MCTP1: variants seen among roughly 807,000 people sequenced by gnomAD.
MCTP1 encodes multiple C2 and transmembrane domain-containing protein 1.
Under a neutral mutation model 120.6 loss-of-function variants are expected in MCTP1, and 69 were observed. The observed-to-expected ratio is 0.57, with a 90% CI of 0.47 to 0.70. MCTP1 has a LOEUF of 0.70. Ranked by LOEUF, MCTP1 falls within the 30% of genes least tolerant of loss-of-function variation. The pLI is 0.00. For missense variants in MCTP1, 1,203 were observed against 1,248.8 expected (o/e 0.96, Z 0.55); for synonymous variants, 529 against 493.1 (o/e 1.07, Z -0.96).
At chr5:95,117,718 G>A (rs947622270) in intron 1 of MCTP1, among the ~76,000 whole-genome samples, 7 of 152,138 alleles carry the variant, frequency 4.6e-5, no homozygotes, top group Non-Finnish European at 1.0e-4. Flanking sequence ...GTACACATAT[G>A]TTTACTGCAG....
At chr5:95,067,039 C>T (rs2152171551) in intron 1 of MCTP1, among the ~76,000 whole-genome samples, 1 of 150,774 alleles carries the variant, frequency 6.6e-6, no homozygotes, top group East Asian at 2.0e-4. Context: ...TGTGCTGCCC[C>T]GTTCCTGAGA....
intron 1 of MCTP1, among the ~76,000 whole-genome samples, chr5:95,036,310 A>G (rs1297954971): frequency 1.3e-5 from 2 of 152,196 alleles, no homozygotes; most frequent in African/African-American, 4.8e-5. Flanking sequence ...TTTTGAGATT[A>G]TAACAATTTC....
chr5:95,212,494 T>A (rs546541186), intron 1 of MCTP1, among the ~76,000 whole-genome samples: 21 of 151,906 alleles, frequency 1.4e-4, no homozygotes, highest in African/African-American at 3.9e-4. Context: ...AAAGAGGGAA[T>A]CCTCCCTAAC....
At chr5:94,995,273 C>G (rs1832401677) in intron 2 of MCTP1, among the ~76,000 whole-genome samples, 1 of 152,156 alleles carries the variant, frequency 6.6e-6, no homozygotes, top group South Asian at 2.1e-4. Context: ...ATTCGTGGGT[C>G]TCATTTCCAG....
intron 19 of MCTP1, among the ~76,000 whole-genome samples, chr5:94,724,052 A>G (rs1761555145): frequency 6.6e-6 from 1 of 152,210 alleles, no homozygotes. Context: ...GGTCAGAAAC[A>G]CAAATGACAT....
chr5:95,023,417 A>G (rs1048183514), intron 1 of MCTP1, among the ~76,000 whole-genome samples: 1 of 152,228 alleles, frequency 6.6e-6, no homozygotes, highest in African/African-American at 2.4e-5. Flanking sequence ...GAGTTTGAAG[A>G]GATTCTATCA....
At chr5:95,103,834 A>C (rs1056214519) in intron 1 of MCTP1, among the ~76,000 whole-genome samples, 2 of 152,198 alleles carry the variant, frequency 1.3e-5, no homozygotes, top group African/African-American at 4.8e-5. Flanking sequence ...AGGGAAAAGA[A>C]AGAAGTTCTA....
At chr5:95,283,174 G>A (rs1298395881) in intron 1 of MCTP1, among the ~76,000 whole-genome samples, 1 of 152,182 alleles carries the variant, frequency 6.6e-6, no homozygotes, top group Non-Finnish European at 1.5e-5. Context: ...CTTGACTCTT[G>A]TCTGAGCAAT....
intron 1 of MCTP1, among the ~76,000 whole-genome samples, chr5:95,281,816 T>G (rs1760345811): frequency 1.3e-5 from 2 of 152,180 alleles, no homozygotes; most frequent in Admixed American, 1.3e-4. Flanking sequence ...GAATTGATTG[T>G]ATATAGGGAT....
chr5:95,213,766 G>C (rs1392075596), intron 1 of MCTP1, among the ~76,000 whole-genome samples: 1 of 152,358 alleles, frequency 6.6e-6, no homozygotes, highest in Admixed American at 6.5e-5. Context: ...AATGGGGAAA[G>C]GATTCCCTAT....
chr5:94,873,427 A>G (rs1798197062), intron 12 of MCTP1, among the ~76,000 whole-genome samples, 186 bp from the exon 13 acceptor site: 1 of 152,040 alleles, frequency 6.6e-6, no homozygotes, highest in Non-Finnish European at 1.5e-5. Context: ...GATGTTAGCA[A>G]TTGTTATGAT....
rs885321 is a variant in MCTP1 at position 94,831,357 on chromosome 5, C to G, written c.2437-32225G>C. The stretch of plus-strand genomic sequence containing the variant: ...TATCCAATCGTCCATCACTAGGTCT[C>G]CAACAGGAACCTTCAAACCACTGCT... On this transcript the variant is annotated intron_variant, in intron 17 of 22. Transcript: ENST00000515393. 6.1e-3 allele frequency among the ~76,000 whole-genome samples: 925 copies of G among 152,344 alleles called. 60 individuals are homozygous for G. The East Asian group carries it at 0.15, about 24-fold the overall frequency.
intron 1 of MCTP1, among the ~76,000 whole-genome samples, chr5:95,205,829 A>G (rs1414921189): frequency 6.6e-6 from 1 of 152,204 alleles, no homozygotes; most frequent in Non-Finnish European, 1.5e-5. Flanking sequence ...CAAGACCACA[A>G]TGAAATAATA....
At chr5:95,222,108 G>A (rs954191910) in intron 1 of MCTP1, among the ~76,000 whole-genome samples, 10 of 152,148 alleles carry the variant, frequency 6.6e-5, no homozygotes, top group African/African-American at 2.2e-4. Flanking sequence ...AATCAGCCCA[G>A]GTCTGGGATG....
At position 94,894,714 on chromosome 5, in the gene MCTP1, T is replaced by C. The variant is rs1056575529; in HGVS notation, c.1774A>G (p.Ile592Val). 3.1e-6 allele frequency: 5 copies of C among 1,613,788 alleles called. No homozygotes were observed. Among genetic ancestry groups the C allele is most frequent in the Non-Finnish European group, 3.4e-6 (4 of 1,179,822 alleles). Residue 592 changes from isoleucine to valine, a missense_variant, in exon 11 of 23, where the codon ATC (isoleucine) becomes GTC (valine). Around this residue, in one of 2 missense-constraint regions of MCTP1, gnomAD observed 740 missense variants for 871.1 expected, o/e 0.85. Coordinates refer to ENST00000515393, the MANE Select transcript of MCTP1 (RefSeq NM_024717.7). Reference sequence around the variant, plus strand: ...AGGGAGTTGACAGACAGGTCAGAGATGCTGACTGTGGCTGATGCTGTCAGA... The same window carrying C: ...AGGGAGTTGACAGACAGGTCAGAGACGCTGACTGTGGCTGATGCTGTCAGA... ...VTLTASATVS[I>V]SDLSVNSLED...
chr5:94,889,432 C>CA (rs1156845058), intron 11 of MCTP1, among the ~76,000 whole-genome samples: 5 of 151,348 alleles, frequency 3.3e-5, no homozygotes, highest in South Asian at 2.1e-4. Flanking sequence ...ACCAAAAATA[C>CA]AAAAAAAATT....
At chr5:95,061,628 G>A (rs963046907) in intron 1 of MCTP1, among the ~76,000 whole-genome samples, 7 of 150,958 alleles carry the variant, frequency 4.6e-5, no homozygotes, top group African/African-American at 1.7e-4. Context: ...GTAGAGACGG[G>A]GTTTCACCGT....
At chr5:95,106,257 T>TTAA (rs374311732) in intron 1 of MCTP1, among the ~76,000 whole-genome samples, 380 of 152,330 alleles carry the variant, frequency 2.5e-3, no homozygotes, top group African/African-American at 8.8e-3. Flanking sequence ...AGGCCACTGA[T>TTAA]ACTAAACGGT....
intron 19 of MCTP1, among the ~76,000 whole-genome samples, chr5:94,725,554 C>A (rs1761945673): frequency 6.6e-6 from 1 of 152,118 alleles, no homozygotes. Flanking sequence ...AAATTGTTTA[C>A]TTCATTTTCA....
Sources: allele counts gnomAD v4.1 joint callset (sites outside exome capture counted in the v4.1 genomes callset), GRCh38; gene constraint gnomAD v4.1.1; regional missense constraint gnomAD v4.1.1; transcripts MANE v1.5; gene names NCBI Gene and HGNC (gene_info 2026-07-23, HGNC 2026-07-21).